ADAMTS12: variants seen among roughly 807,000 people sequenced by gnomAD.
ADAMTS12 encodes the protein ADAM metallopeptidase with thrombospondin type 1 motif 12, also known as A disintegrin and metalloproteinase with thrombospondin motifs 12.
A neutral mutation model predicts 167.8 loss-of-function variants in ADAMTS12; 118 were observed. That is an observed-to-expected ratio of 0.70 (90% CI 0.61 to 0.82). The LOEUF is 0.82. ADAMTS12 is among the 40% of genes least tolerant of loss of function. ADAMTS12 has a pLI of 0.00. For missense variants in ADAMTS12, 1,916 were observed against 1,998.8 expected (o/e 0.96, Z 0.79); for synonymous variants, 704 against 716.9 (o/e 0.98, Z 0.29).
At chr5:33,659,133 T>C (rs1039940259) in intron 6 of ADAMTS12, among the ~76,000 whole-genome samples, 2 of 152,190 alleles carry the variant, frequency 1.3e-5, no homozygotes, top group African/African-American at 4.8e-5. Context: ...GTGGGCACCA[T>C]TTCTAGCAGC....
chr5:33,816,558 C>T (rs34936889), intron 2 of ADAMTS12, among the ~76,000 whole-genome samples: 68,468 of 151,998 alleles, frequency 0.45, 15,787 homozygotes, highest in African/African-American at 0.48. Flanking sequence ...GGATTATAAC[C>T]TCTATTGATT....
At chr5:33,617,983 AG>A (rs1739112760) in intron 14 of ADAMTS12, among the ~76,000 whole-genome samples, 1 of 152,228 alleles carries the variant, frequency 6.6e-6, no homozygotes, top group African/African-American at 2.4e-5. Flanking sequence ...TAAACAACAC[AG>A]GGGTTAGGGC....
At chr5:33,780,213 A>G (rs1746075983) in intron 2 of ADAMTS12, among the ~76,000 whole-genome samples, 1 of 152,236 alleles carries the variant, frequency 6.6e-6, no homozygotes, top group South Asian at 2.1e-4. Flanking sequence ...TTACCTTAAC[A>G]ATTAAGCATT....
At chr5:33,875,703 T>C (rs1294175297) in intron 2 of ADAMTS12, among the ~76,000 whole-genome samples, 2 of 152,166 alleles carry the variant, frequency 1.3e-5, no homozygotes, top group Non-Finnish European at 2.9e-5. Context: ...GTTAATAGTA[T>C]ACCCAATGAT....
chr5:33,854,622 A>G (rs926428557), intron 2 of ADAMTS12, among the ~76,000 whole-genome samples: 2 of 152,262 alleles, frequency 1.3e-5, no homozygotes, highest in African/African-American at 4.8e-5. Flanking sequence ...AGGTTCTTCA[A>G]TTCTATCCCT....
At chr5:33,649,723 A>C in intron 7 of ADAMTS12, 26 bp from the exon 8 acceptor site, 1 of 1,611,418 alleles carries the variant, frequency 6.2e-7, no homozygotes, top group Non-Finnish European at 8.5e-7. Context: ...CAAGCACAAG[A>C]AGAGCCAGCA....
At chr5:33,668,758 A>C (rs1462701188) in intron 5 of ADAMTS12, among the ~76,000 whole-genome samples, 1 of 152,200 alleles carries the variant, frequency 6.6e-6, no homozygotes, top group Non-Finnish European at 1.5e-5. Flanking sequence ...GGCTGGGATT[A>C]CAGGCGTGAG....
intron 2 of ADAMTS12, among the ~76,000 whole-genome samples, chr5:33,785,671 G>GT (rs1579934060): frequency 6.6e-6 from 1 of 152,160 alleles, no homozygotes; most frequent in Admixed American, 6.5e-5. Context: ...AATGCCAAAT[G>GT]TTGGCTAACA....
intron 18 of ADAMTS12, among the ~76,000 whole-genome samples, chr5:33,578,085 G>A (rs79174796): frequency 0.037 from 5,580 of 152,230 alleles, 210 homozygotes; most frequent in South Asian, 0.21. Flanking sequence ...TCCATTTTTA[G>A]CTTCTCTTTC....
intron 2 of ADAMTS12, among the ~76,000 whole-genome samples, chr5:33,855,432 A>G (rs1749361998): frequency 6.6e-6 from 1 of 152,256 alleles, no homozygotes; most frequent in Admixed American, 6.5e-5. Context: ...GCTGGTTAGA[A>G]GCTGGAAAGC....
chr5:33,754,829 C>T (rs577966010), intron 2 of ADAMTS12, among the ~76,000 whole-genome samples: 41 of 152,152 alleles, frequency 2.7e-4, no homozygotes, highest in African/African-American at 9.6e-4. Flanking sequence ...GCACTCCAGC[C>T]TGGGAGACAA....
rs565347795 is a variant in ADAMTS12, at chr5:33,891,924, G to A, written c.-68C>T. 27 of 1,572,186 alleles carry A rather than the reference G, an allele frequency of 1.7e-5. No homozygotes were observed. The South Asian group carries it at 2.5e-4, about 14-fold the overall frequency. ...CCTCAGCTCCAGAAATAAAGCGCTC[G>A]CCTGTGGCCCAGCAGGAAGATGCAG... On this transcript the variant is annotated 5_prime_UTR_variant, in exon 1 of 24. It introduces an in-frame stop codon into an upstream open reading frame of the 5' UTR. Transcript: ENST00000504830.
chr5:33,730,927 T>C (rs1744168606), intron 3 of ADAMTS12, among the ~76,000 whole-genome samples: 1 of 152,200 alleles, frequency 6.6e-6, no homozygotes, highest in Non-Finnish European at 1.5e-5. Flanking sequence ...TAACGGGTAC[T>C]AGCTCAGGAG....
At chr5:33,685,651 A>G (rs1742296816) in intron 3 of ADAMTS12, among the ~76,000 whole-genome samples, 1 of 152,222 alleles carries the variant, frequency 6.6e-6, no homozygotes, top group Non-Finnish European at 1.5e-5. Flanking sequence ...CTGTACTTCA[A>G]TATAACACTT....
chr5:33,830,944 C>T (rs1354999186), intron 2 of ADAMTS12, among the ~76,000 whole-genome samples: 2 of 151,956 alleles, frequency 1.3e-5, no homozygotes, highest in African/African-American at 2.4e-5. Flanking sequence ...GCAAAAGAAG[C>T]CCATACTAAA....
chr5:33,572,461 T>C (rs1338896969), intron 19 of ADAMTS12, among the ~76,000 whole-genome samples: 1 of 151,502 alleles, frequency 6.6e-6, no homozygotes, highest in Non-Finnish European at 1.5e-5. Context: ...AATCAATAAA[T>C]GTAATCCAGC....
chr5:33,572,762 G>A (rs1413875249), intron 19 of ADAMTS12, among the ~76,000 whole-genome samples: 3 of 148,296 alleles, frequency 2.0e-5, no homozygotes, highest in African/African-American at 7.5e-5. Context: ...AATTAGGCAG[G>A]AGAAGGAAAC....
At chr5:33,844,925 T>C (rs1748888645) in intron 2 of ADAMTS12, among the ~76,000 whole-genome samples, 1 of 152,194 alleles carries the variant, frequency 6.6e-6, no homozygotes, top group African/African-American at 2.4e-5. Context: ...GAAAAGAACC[T>C]ACATGACTAC....
chr5:33,580,816 G>C (rs1465042628), intron 18 of ADAMTS12, among the ~76,000 whole-genome samples: 2 of 152,190 alleles, frequency 1.3e-5, no homozygotes, highest in Non-Finnish European at 2.9e-5. Flanking sequence ...TGGAAAAGCT[G>C]ATGATCTGCA....
Sources: allele counts gnomAD v4.1 joint callset (sites outside exome capture counted in the v4.1 genomes callset), GRCh38; gene constraint gnomAD v4.1.1; transcripts MANE v1.5; gene names NCBI Gene and HGNC (gene_info 2026-07-23, HGNC 2026-07-21).